Variants in GRIP1 observed in about 807,000 individuals in gnomAD.
The protein encoded by GRIP1 is glutamate receptor interacting protein 1.
In GRIP1, 45 loss-of-function variants were observed where a neutral mutation model predicts 129.9. That is an observed-to-expected ratio of 0.35 (90% CI 0.27 to 0.44). The LOEUF (loss-of-function observed/expected upper bound fraction) is 0.44. Among genes scored for constraint, GRIP1 ranks in the 20% least tolerant of loss-of-function variants. GRIP1 has a pLI of 1.00. For synonymous variants in GRIP1, 530 were observed against 520.8 expected, an observed-to-expected ratio of 1.02 and a Z score of -0.24; for missense variants, 1,196 against 1,396.8, an observed-to-expected ratio of 0.86 and a Z score of 2.29.
intron 1 of GRIP1, among the ~76,000 whole-genome samples, chr12:66,717,141 A>C (rs2035914122): frequency 6.6e-6 from 1 of 152,182 alleles, no homozygotes; most frequent in Non-Finnish European, 1.5e-5. Flanking sequence ...CCAATAAGTT[A>C]TAGAACATAC....
chr12:66,764,266 T>C (rs1404488497), intron 1 of GRIP1, among the ~76,000 whole-genome samples: 1 of 152,180 alleles, frequency 6.6e-6, no homozygotes, highest in Non-Finnish European at 1.5e-5. Context: ...ATACCAAAGA[T>C]AGAGGGAACT....
chr12:66,539,196 G>A lies in GRIP1; in HGVS notation c.300C>T (p.Tyr100=). 1 of 1,614,004 alleles carries A rather than the reference G, an allele frequency of 6.2e-7. No individual in the cohort carries two copies. Residue 100 remains tyrosine (Y), a synonymous_variant, in exon 4 of 25, where the codon TAC becomes TAT. Coordinates refer to ENST00000359742, the MANE Select transcript of GRIP1 (RefSeq NM_001366722.1). ...GGTTGATTCCATTCACTGCTTTGAT[G>A]TAGTCACCCACATCCAGCTGGTCAC... ...ARSDQLDVGD[Y]IKAVNGINLA...
intron 1 of GRIP1, among the ~76,000 whole-genome samples, chr12:66,984,566 A>G (rs1045597156): frequency 6.6e-6 from 1 of 152,186 alleles, no homozygotes; most frequent in Non-Finnish European, 1.5e-5. Context: ...TGAGGTAATT[A>G]TATTATGATT....
intron 1 of GRIP1, among the ~76,000 whole-genome samples, chr12:66,726,538 G>T (rs1009557920): frequency 6.6e-6 from 1 of 151,924 alleles, no homozygotes; most frequent in Non-Finnish European, 1.5e-5. Flanking sequence ...TTCTTGTTTC[G>T]CCCATTCCAG....
At chr12:66,702,973 G>C (rs1225095645) in intron 1 of GRIP1, among the ~76,000 whole-genome samples, 1 of 152,180 alleles carries the variant, frequency 6.6e-6, no homozygotes, top group Non-Finnish European at 1.5e-5. Flanking sequence ...ACACCGTACT[G>C]ATGACAGACT....
At chr12:66,559,760 T>A (rs1286891476) in intron 2 of GRIP1, among the ~76,000 whole-genome samples, 6 of 152,034 alleles carry the variant, frequency 3.9e-5, no homozygotes, top group African/African-American at 1.2e-4. Flanking sequence ...AGCAATCTAC[T>A]AATTCAATGC....
At chr12:66,930,361 G>T (rs1218435950) in intron 1 of GRIP1, among the ~76,000 whole-genome samples, 2 of 147,808 alleles carry the variant, frequency 1.4e-5, no homozygotes, top group African/African-American at 2.5e-5. Context: ...GCGATGTTTG[G>T]TTTTTTGTTC....
intron 1 of GRIP1, among the ~76,000 whole-genome samples, chr12:67,022,119 T>C (rs1321913846): frequency 6.6e-6 from 1 of 152,104 alleles, no homozygotes; most frequent in Non-Finnish European, 1.5e-5. Flanking sequence ...AACATGGGAG[T>C]GTTCTCTCAT....
At chr12:66,772,183 T>C (rs906598228) in intron 1 of GRIP1, among the ~76,000 whole-genome samples, 2 of 152,230 alleles carry the variant, frequency 1.3e-5, no homozygotes, top group East Asian at 3.9e-4. Context: ...TGCTCATAGA[T>C]GGCAGTGCCA....
intron 2 of GRIP1, among the ~76,000 whole-genome samples, chr12:66,582,035 C>T (rs1467164336): frequency 6.6e-6 from 1 of 152,146 alleles, no homozygotes; most frequent in African/African-American, 2.4e-5. Context: ...AATCCAGCAG[C>T]ACATCAAAAA....
chr12:66,413,812 G>A (rs1018269994), intron 15 of GRIP1, among the ~76,000 whole-genome samples: 1 of 152,074 alleles, frequency 6.6e-6, no homozygotes, highest in Non-Finnish European at 1.5e-5. Context: ...AACAATAAAT[G>A]TGATTCATTA....
chr12:66,487,965 C>G (rs2060000810), intron 7 of GRIP1, among the ~76,000 whole-genome samples: 1 of 152,054 alleles, frequency 6.6e-6, no homozygotes, highest in African/African-American at 2.4e-5. Context: ...ACAAGAGCAC[C>G]CAGATTCATA....
intron 1 of GRIP1, among the ~76,000 whole-genome samples, chr12:66,927,766 G>GC (rs535510083): frequency 1.2e-3 from 185 of 152,290 alleles, no homozygotes; most frequent in Non-Finnish European, 2.3e-3. Flanking sequence ...CTACAGTGCA[G>GC]CCTATCATTC....
At chr12:66,943,942 C>A (rs192842498) in intron 1 of GRIP1, among the ~76,000 whole-genome samples, 2 of 152,212 alleles carry the variant, frequency 1.3e-5, no homozygotes, top group Non-Finnish European at 2.9e-5. Context: ...TCACTTGACC[C>A]AGGTAAGAAA....
intron 1 of GRIP1, among the ~76,000 whole-genome samples, chr12:66,634,660 ATC>A (rs1356253622): frequency 6.6e-6 from 1 of 152,240 alleles, no homozygotes; most frequent in Non-Finnish European, 1.5e-5. Context: ...ACACAGTAAA[ATC>A]TCTTTGACTT....
intron 1 of GRIP1, among the ~76,000 whole-genome samples, chr12:66,624,236 CCTCT>C (rs1751488726): frequency 6.6e-6 from 1 of 152,010 alleles, no homozygotes; most frequent in Admixed American, 6.5e-5. Context: ...GCATGTTTGC[CCTCT>C]CAAAGGTCTA....
chr12:66,946,517 C>T (rs568628051), intron 1 of GRIP1, among the ~76,000 whole-genome samples: 204 of 151,852 alleles, frequency 1.3e-3, no homozygotes, highest in Non-Finnish European at 2.0e-3. Flanking sequence ...AACAGTGGTA[C>T]CAGGAGTGTA....
At chr12:66,999,673 T>C (rs747099115) in intron 1 of GRIP1, among the ~76,000 whole-genome samples, 1 of 152,102 alleles carries the variant, frequency 6.6e-6, no homozygotes, top group African/African-American at 2.4e-5. Context: ...ACTATCTAAA[T>C]AATTAATGTA....
chr12:66,363,685 G>A (rs1016411381), intron 23 of GRIP1, among the ~76,000 whole-genome samples: 3 of 151,952 alleles, frequency 2.0e-5, no homozygotes, highest in South Asian at 2.1e-4. Context: ...CATTTGTGAC[G>A]ATGTGGATGA....
Sources: gnomAD v4.1 joint callset for allele counts (sites outside exome capture counted in the v4.1 genomes callset) on GRCh38, gnomAD v4.1.1 for gene constraint, MANE v1.5 for transcripts, NCBI Gene and HGNC (gene_info 2026-07-23, HGNC 2026-07-21) for gene names.